ZC3H7A: variants seen among roughly 807,000 people sequenced by gnomAD.
The protein encoded by ZC3H7A is zinc finger CCCH-type containing 7A.
ZC3H7A carries 44 observed loss-of-function variants against 125.5 expected under a neutral mutation model. That is an observed-to-expected ratio of 0.35 (90% CI 0.28 to 0.45). The LOEUF (loss-of-function observed/expected upper bound fraction) is 0.45, where lower values mean the gene tolerates loss of function less well. ZC3H7A is among the 20% of genes least tolerant of loss of function. The probability of loss-of-function intolerance (pLI) is 1.00; values close to 1 mark genes in which losing one functional copy is unlikely to be tolerated. For missense variants in ZC3H7A, 977 were observed against 1,170.7 expected, an observed-to-expected ratio of 0.83 and a Z score of 2.41; for synonymous variants, 399 against 391.2, an observed-to-expected ratio of 1.02 and a Z score of -0.23.
At position 11,776,537 on chromosome 16, in the gene ZC3H7A, A is replaced by G. The variant is rs763224257; in HGVS notation, c.466-5T>C. 67 of 1,600,106 alleles carry G rather than the reference A, an allele frequency of 4.2e-5. No individual in the cohort carries two copies. Among genetic ancestry groups the G allele is most frequent in the Non-Finnish European group, 5.4e-5 (63 of 1,174,970 alleles). On this transcript the variant is annotated splice_polypyrimidine_tract_variant and splice_region_variant and intron_variant, in intron 5 of 22. Transcript: ENST00000355758. ...TAGTTTTATTACATGCTCATCCTGA[A>G]AAAAATAAGTATGTATAATTAACAG...
chr16:11,791,336 T>C (rs1193202461), intron 1 of ZC3H7A, among the ~76,000 whole-genome samples: 1 of 152,044 alleles, frequency 6.6e-6, no homozygotes, highest in Non-Finnish European at 1.5e-5. Context: ...TCTAAGTCAC[T>C]GTGTTTGTTG....
At chr16:11,785,547 A>T (rs1021755664) in intron 1 of ZC3H7A, among the ~76,000 whole-genome samples, 2 of 152,116 alleles carry the variant, frequency 1.3e-5, no homozygotes, top group African/African-American at 4.8e-5. Flanking sequence ...AGTGTCTATC[A>T]AAAAGGAAAT....
At chr16:11,789,896 C>A (rs750518262) in intron 1 of ZC3H7A, among the ~76,000 whole-genome samples, 4 of 151,894 alleles carry the variant, frequency 2.6e-5, no homozygotes, top group Non-Finnish European at 5.9e-5. Flanking sequence ...GCCCAGCCAA[C>A]ATGGTGAAAC....
chr16:11,789,312 G>A (rs1360662413), intron 1 of ZC3H7A, among the ~76,000 whole-genome samples: 2 of 151,866 alleles, frequency 1.3e-5, no homozygotes, highest in African/African-American at 4.8e-5. Flanking sequence ...CACCCAGGCT[G>A]GAGTGCAATG....
chr16:11,775,289 T>C (rs1023382701), intron 7 of ZC3H7A, among the ~76,000 whole-genome samples: 21 of 151,742 alleles, frequency 1.4e-4, no homozygotes, highest in African/African-American at 4.8e-4. Flanking sequence ...GAGAACTGCT[T>C]GAACCCGGGA....
At chr16:11,782,607 T>C (rs1015311761) in intron 1 of ZC3H7A, 6 of 267,420 alleles carry the variant, frequency 2.2e-5, no homozygotes, top group African/African-American at 1.0e-4. Context: ...TATTCTTTTT[T>C]TTTTTTTTTT....
intron 1 of ZC3H7A, among the ~76,000 whole-genome samples, chr16:11,795,331 A>T (rs2053419296): frequency 6.6e-6 from 1 of 152,256 alleles, no homozygotes; most frequent in African/African-American, 2.4e-5. Context: ...ATGTCTTCTC[A>T]GGGCCACCAC....
At chr16:11,781,096 A>G (rs960472248) in intron 3 of ZC3H7A, among the ~76,000 whole-genome samples, 2 of 152,154 alleles carry the variant, frequency 1.3e-5, no homozygotes, top group Admixed American at 6.5e-5. Context: ...AAAGAAAAAG[A>G]AAAAGAAAAA....
chr16:11,775,048 T>G (rs1415333397), intron 7 of ZC3H7A, 35 bp from the exon 8 acceptor site: 2 of 1,610,460 alleles, frequency 1.2e-6, no homozygotes, highest in African/African-American at 1.3e-5. Flanking sequence ...TTATAATATT[T>G]TCAGGACTCT....
At chr16:11,764,593 G>C (rs900539748) in intron 15 of ZC3H7A, among the ~76,000 whole-genome samples, 1 of 151,946 alleles carries the variant, frequency 6.6e-6, no homozygotes, top group Non-Finnish European at 1.5e-5. Flanking sequence ...CTAGTGGTGG[G>C]TGTCTGTAAT....
At chr16:11,762,606 A>T (rs1229462624) in intron 17 of ZC3H7A, 65 bp downstream of exon 17, 1 of 1,483,198 alleles carries the variant, frequency 6.7e-7, no homozygotes, top group Non-Finnish European at 9.4e-7. Flanking sequence ...TCCACCAACA[A>T]CCAACATCTA....
intron 1 of ZC3H7A, among the ~76,000 whole-genome samples, chr16:11,788,179 C>A (rs2053288088): frequency 6.6e-6 from 1 of 152,164 alleles, no homozygotes; most frequent in African/African-American, 2.4e-5. Flanking sequence ...CTCCCTTCAA[C>A]TTCCACCTCA....
Position 11,770,970 on chromosome 16 carries a change from T to C in ZC3H7A, c.921A>G (p.Arg307=), listed in dbSNP as rs1299400452. The C allele has an allele frequency of 6.2e-7, 1 of 1,609,878 alleles. No individual in the cohort carries two copies. Among genetic ancestry groups the C allele is most frequent in the African/African-American group, 1.3e-5 (1 of 74,738 alleles). ...NETVMPSALV[R]GPLQTASVSP... is the part of the protein sequence containing the mutation. Reference sequence around the variant, plus strand: ...AGACACTGGCTGTCTGAAGGGGTCCTCTGACTAAAGCTGACGGCTGCGGAA... The same window carrying C: ...AGACACTGGCTGTCTGAAGGGGTCCCCTGACTAAAGCTGACGGCTGCGGAA... Residue 307 remains arginine (R), a synonymous_variant, in exon 10 of 23, where the codon AGA becomes AGG. Transcript: ENST00000355758.
At chr16:11,762,778 A>T in intron 16 of ZC3H7A, 31 bp from the exon 17 acceptor site, 1 of 1,609,136 alleles carries the variant, frequency 6.2e-7, no homozygotes, top group Non-Finnish European at 8.5e-7. Context: ...CCTTTAAATT[A>T]TATCTATAAG....
rs1344606255 is a variant in ZC3H7A, at chr16:11,769,870, G to GCCTCAA, written c.1109-781_1109-776dup. Reference sequence around the variant, plus strand: ...AGGGGTGTGATCTTGGCTCACTGCAGCCTCAACCTCCTGGGCTCAAGGAAT... The same window carrying GCCTCAA: ...AGGGGTGTGATCTTGGCTCACTGCAGCCTCAACCTCAACCTCCTGGGCTCAAGGAAT... On this transcript the variant is annotated intron_variant, in intron 10 of 22. Coordinates refer to ENST00000355758, the MANE Select transcript of ZC3H7A (RefSeq NM_014153.4). Among the ~76,000 whole-genome samples the GCCTCAA allele has an allele frequency of 3.0e-5, 4 of 132,342 alleles. No individual in the cohort carries two copies. In the East Asian group the frequency reaches 9.2e-4, roughly 31 times the overall value. 86.8% of individuals were successfully genotyped at this position (132,342 alleles called of 152,430 possible).
At chr16:11,776,574 C>G (rs1229036653) in intron 5 of ZC3H7A, 42 bp from the exon 6 acceptor site, 1 of 1,554,656 alleles carries the variant, frequency 6.4e-7, no homozygotes, top group Non-Finnish European at 8.7e-7. Flanking sequence ...GTTATATTTA[C>G]TAATGGTGAA....
At chr16:11,757,786 T>C (rs1367274706) in intron 20 of ZC3H7A, among the ~76,000 whole-genome samples, 3 of 152,194 alleles carry the variant, frequency 2.0e-5, no homozygotes, top group South Asian at 4.1e-4. Context: ...TGACGATCTA[T>C]GTGGTTGAAA....
At chr16:11,774,893 A>G (rs374988772) in intron 8 of ZC3H7A, 87 bp downstream of exon 8, 3 of 1,401,646 alleles carry the variant, frequency 2.1e-6, no homozygotes, top group East Asian at 2.3e-5. Context: ...CCACACAGCG[A>G]TATTATTTGA....
chr16:11,778,646 C>A (rs1461130165), intron 4 of ZC3H7A, among the ~76,000 whole-genome samples: 1 of 152,044 alleles, frequency 6.6e-6, no homozygotes, highest in Non-Finnish European at 1.5e-5. Flanking sequence ...TCATCAAGGA[C>A]CAATAACTAA....
Sources: allele counts gnomAD v4.1 joint callset (sites outside exome capture counted in the v4.1 genomes callset), GRCh38; gene constraint gnomAD v4.1.1; transcripts MANE v1.5; gene names NCBI Gene and HGNC (gene_info 2026-07-23, HGNC 2026-07-21).